Variants in ARHGAP10 observed in about 807,000 individuals in gnomAD.
The protein encoded by ARHGAP10 is rho GTPase-activating protein 10.
Under a neutral mutation model 108.6 loss-of-function variants are expected in ARHGAP10, and 87 were observed. The observed-to-expected ratio is 0.80, with a 90% confidence interval of 0.67 to 0.96. The LOEUF is 0.96. ARHGAP10 is among the 40% of genes least tolerant of loss of function. The pLI, the probability that ARHGAP10 is intolerant of heterozygous loss-of-function variation, is 0.00. For missense variants in ARHGAP10, 939 were observed against 954.5 expected (o/e 0.98, Z 0.21); for synonymous variants, 347 against 341.1 (o/e 1.02, Z -0.19).
intron 1 of ARHGAP10, among the ~76,000 whole-genome samples, chr4:147,804,542 A>G (rs1470139068): frequency 6.6e-6 from 1 of 152,198 alleles, no homozygotes; most frequent in African/African-American, 2.4e-5. Context: ...GCTGGGTCAA[A>G]TGGTAGTTCT....
At chr4:148,052,295 G>T (rs1415145489) in intron 20 of ARHGAP10, among the ~76,000 whole-genome samples, 1 of 140,630 alleles carries the variant, frequency 7.1e-6, no homozygotes, top group East Asian at 2.1e-4. Context: ...TGAGGGCCAG[G>T]ACACTCAGTT....
intron 19 of ARHGAP10, 134 bp from the exon 20 acceptor site, chr4:148,046,758 C>T: frequency 1.2e-6 from 1 of 825,526 alleles, no homozygotes; most frequent in South Asian, 2.3e-5. Context: ...ACAGGACACC[C>T]AGATACTGTC....
At chr4:147,842,593 T>C (rs1733460714) in intron 3 of ARHGAP10, among the ~76,000 whole-genome samples, 1 of 152,174 alleles carries the variant, frequency 6.6e-6, no homozygotes, top group Non-Finnish European at 1.5e-5. Flanking sequence ...TTAGGTTCCA[T>C]GCCCTGAAAT....
chr4:147,942,931 C>CA (rs1738215370), intron 14 of ARHGAP10, among the ~76,000 whole-genome samples: 1 of 152,220 alleles, frequency 6.6e-6, no homozygotes, highest in South Asian at 2.1e-4. Flanking sequence ...TTCCCCTTTG[C>CA]AGCCTCTAAG....
rs1366353039 is a variant in ARHGAP10, at chr4:148,072,692, C to T, written c.*611C>T. The T allele has an allele frequency of 6.6e-6, 1 of 152,234 alleles. No individual in the cohort carries two copies. Among genetic ancestry groups the T allele is most frequent in the Admixed American group, 6.5e-5 (1 of 15,284 alleles). The allele number at this position is 152,234 out of a possible 1,614,324, so 9.4% of individuals were successfully genotyped here. On this transcript the variant is annotated 3_prime_UTR_variant, in exon 23 of 23. Transcript: ENST00000336498. ...ACTGGCGTATTTGTAACAGGCTTCT[C>T]GGTGCTCCTCACCCGTGTGCTGTTT...
At chr4:147,824,770 T>C (rs1473929450) in intron 3 of ARHGAP10, among the ~76,000 whole-genome samples, 2 of 152,196 alleles carry the variant, frequency 1.3e-5, no homozygotes, top group Non-Finnish European at 2.9e-5. Context: ...TACCTCCACC[T>C]GGTCCTGCCC....
chr4:147,927,900 C>A (rs1200555706), intron 13 of ARHGAP10, among the ~76,000 whole-genome samples: 1 of 152,126 alleles, frequency 6.6e-6, no homozygotes, highest in East Asian at 1.9e-4. Context: ...GTGTGGGGCC[C>A]CAAAGGTTAC....
chr4:147,813,497 C>T (rs553083966), intron 1 of ARHGAP10, among the ~76,000 whole-genome samples: 4 of 152,264 alleles, frequency 2.6e-5, no homozygotes, highest in African/African-American at 4.8e-5. Context: ...AGGAAAAAGC[C>T]GTGGGAGCCG....
chr4:147,898,231 A>T (rs1294780142), intron 10 of ARHGAP10, among the ~76,000 whole-genome samples: 1 of 151,720 alleles, frequency 6.6e-6, no homozygotes, highest in Non-Finnish European at 1.5e-5. Context: ...TTTCTTTCCT[A>T]TTTTGTCTGT....
chr4:147,920,564 A>G (rs999021256), intron 13 of ARHGAP10, among the ~76,000 whole-genome samples: 6 of 152,216 alleles, frequency 3.9e-5, no homozygotes, highest in Non-Finnish European at 7.3e-5. Context: ...CAGTCAGTTA[A>G]CCAGTATTTA....
intron 22 of ARHGAP10, among the ~76,000 whole-genome samples, chr4:148,066,114 C>G (rs1439403383): frequency 6.6e-6 from 1 of 152,148 alleles, no homozygotes; most frequent in Non-Finnish European, 1.5e-5. Context: ...TGTGGAACTG[C>G]TCTCTGCTGG....
In ARHGAP10 at chr4:148,017,680, A is replaced by ATATATATATATATATATATATGAG. The variant is rs11281620; in HGVS notation, c.1717-5580_1717-5579insATATATATATATATATATGAGTAT. Among the ~76,000 whole-genome samples, 145 of 141,412 alleles carry ATATATATATATATATATATATGAG rather than the reference A, an allele frequency of 1.0e-3. 4 individuals carry two copies. The highest frequency in any genetic ancestry group is 3.8e-3 in the African/African-American group (140 of 36,548). 92.8% of individuals were successfully genotyped at this position (141,412 alleles called of 152,430 possible). Reference sequence around the variant, plus strand: ...TATATATATATATATATATATATATATATGTGTGTGTATGTAAAGGAATTC... The same window carrying ATATATATATATATATATATATGAG: ...TATATATATATATATATATATATATATATATATATATATATATATATGAGTATGTGTGTGTATGTAAAGGAATTC... On this transcript the variant is annotated intron_variant, in intron 18 of 22. Coordinates refer to ENST00000336498, the MANE Select transcript of ARHGAP10 (RefSeq NM_024605.4).
chr4:148,040,779 G>A (rs2149676077), intron 19 of ARHGAP10, among the ~76,000 whole-genome samples: 1 of 151,988 alleles, frequency 6.6e-6, no homozygotes, highest in South Asian at 2.1e-4. Flanking sequence ...AAGTTTATCA[G>A]GGAAGTTATG....
intron 10 of ARHGAP10, among the ~76,000 whole-genome samples, chr4:147,893,239 A>T (rs1038402247): frequency 6.6e-6 from 1 of 151,890 alleles, no homozygotes; most frequent in Non-Finnish European, 1.5e-5. Context: ...TTGTATTTTT[A>T]GTAGAGACGG....
chr4:148,041,392 G>T (rs1378300341), intron 19 of ARHGAP10, among the ~76,000 whole-genome samples: 1 of 152,216 alleles, frequency 6.6e-6, no homozygotes, highest in Non-Finnish European at 1.5e-5. Flanking sequence ...AGGAGACAAA[G>T]AAGAAATGAA....
intron 4 of ARHGAP10, among the ~76,000 whole-genome samples, 160 bp from the exon 5 acceptor site, chr4:147,857,393 A>T (rs1427168842): frequency 6.6e-6 from 1 of 152,246 alleles, no homozygotes; most frequent in Non-Finnish European, 1.5e-5. Context: ...ATGATTAAGC[A>T]GTAGGCTTGG....
intron 1 of ARHGAP10, among the ~76,000 whole-genome samples, chr4:147,819,784 C>T (rs1173883043): frequency 6.6e-6 from 1 of 152,110 alleles, no homozygotes; most frequent in East Asian, 1.9e-4. Flanking sequence ...GTCTTGAACT[C>T]CTGACCTTAG....
Position 147,767,207 on chromosome 4 carries a change from C to T in ARHGAP10, c.154+34752C>T, listed in dbSNP as rs898535458. On this transcript the variant is annotated intron_variant, in intron 1 of 22. Coordinates refer to ENST00000336498, the MANE Select transcript of ARHGAP10 (RefSeq NM_024605.4). The stretch of plus-strand genomic sequence containing the variant: ...AGAAATCTGTTCAGCTTTGTTTAAA[C>T]CCATCAGTTCCTAAGTTTATTTAAC... Among the ~76,000 whole-genome samples the T allele has an allele frequency of 4.6e-5, 7 of 152,060 alleles. No individual in the cohort carries two copies. The East Asian group carries it at 1.4e-3, about 29-fold the overall frequency.
At chr4:148,008,895 T>A (rs1269570516) in intron 18 of ARHGAP10, among the ~76,000 whole-genome samples, 2 of 152,200 alleles carry the variant, frequency 1.3e-5, no homozygotes, top group Non-Finnish European at 2.9e-5. Context: ...CGCTGTCTAC[T>A]GTTAAGTCGG....
Sources: allele counts gnomAD v4.1 joint callset (sites outside exome capture counted in the v4.1 genomes callset), GRCh38; gene constraint gnomAD v4.1.1; transcripts MANE v1.5; gene names NCBI Gene and HGNC (gene_info 2026-07-23, HGNC 2026-07-21).